Variants in MGST1 observed in about 807,000 individuals in gnomAD.
The protein encoded by MGST1 is microsomal glutathione S-transferase 1.
In MGST1, 5 loss-of-function variants were observed where a neutral mutation model predicts 8.9. The observed-to-expected ratio is 0.56, with a 90% CI of 0.29 to 1.19. MGST1 has a LOEUF of 1.19. MGST1 is among the 50% of genes most tolerant of loss of function. The pLI is 0.08. For synonymous variants in MGST1, 54 were observed against 67.8 expected, an observed-to-expected ratio of 0.80 and a Z score of 1.00; for missense variants, 182 against 187.4, an observed-to-expected ratio of 0.97 and a Z score of 0.17.
chr12:16,440,264 CA>C (rs1941027944), downstream of MGST1, among the ~76,000 whole-genome samples: 1 of 151,096 alleles, frequency 6.6e-6, no homozygotes, highest in South Asian at 2.1e-4. Context: ...CACACACACA[CA>C]CACACATACA....
intron 3 of MGST1, among the ~76,000 whole-genome samples, chr12:16,360,707 C>G (rs1419924022): frequency 6.6e-6 from 1 of 152,126 alleles, no homozygotes; most frequent in East Asian, 1.9e-4. Flanking sequence ...TATTTAGGGA[C>G]AGGAGAGACA....
chr12:16,401,877 A>G lies in MGST1; in HGVS notation n.778+18273A>G. The G allele has an allele frequency of 1.2e-6, 2 of 1,603,976 alleles. No individual in the cohort carries two copies. The highest frequency in any genetic ancestry group is 1.7e-6 in the Non-Finnish European group (2 of 1,170,782). ...AGTGATGCCAGCTGCTTTCTTCATT[A>G]ATTTGAGCTCCCCATCCTCCCTTAC... On this transcript the variant is annotated intron_variant and non_coding_transcript_variant, in intron 1 of 1. Transcript: ENST00000359720. The surrounding 1 kb of genome is among the most constrained non-coding windows in gnomAD (Gnocchi z 4.3).
intron 4 of MGST1, among the ~76,000 whole-genome samples, chr12:16,445,446 C>T (rs972734704): frequency 6.6e-6 from 1 of 151,916 alleles, no homozygotes; most frequent in Non-Finnish European, 1.5e-5. Context: ...GTTCACTTTG[C>T]ATTCTAAGGA....
chr12:16,454,798 T>A (rs1941157447), intron 4 of MGST1, among the ~76,000 whole-genome samples: 1 of 137,020 alleles, frequency 7.3e-6, no homozygotes, highest in Admixed American at 7.8e-5. Context: ...AAGGGAAAAT[T>A]CAAGGCATCA....
At position 16,457,571 on chromosome 12, in the gene MGST1, A is replaced by G. The variant is rs1234856527; in HGVS notation, n.482+73967A>G. Among the ~76,000 whole-genome samples, 3 of 151,996 alleles carry G rather than the reference A, an allele frequency of 2.0e-5. No individual in the cohort carries two copies. The South Asian group carries it at 6.2e-4, about 32-fold the overall frequency. ...AGTGTAATACACTTTATATATTAGC[A>G]TTGGTCCATCTATTATTATATTGGC... On this transcript the variant is annotated intron_variant and non_coding_transcript_variant, in intron 4 of 4. Transcript: ENST00000538857.
chr12:16,358,587 C>T (rs1165964991), intron 3 of MGST1, among the ~76,000 whole-genome samples: 1 of 151,832 alleles, frequency 6.6e-6, no homozygotes, highest in Non-Finnish European at 1.5e-5. Flanking sequence ...CTGCCTCAGC[C>T]TCCTGAGTAG....
chr12:16,440,815 G>A (rs1316843520), downstream of MGST1, among the ~76,000 whole-genome samples: 1 of 151,684 alleles, frequency 6.6e-6, no homozygotes, highest in Admixed American at 6.6e-5. Flanking sequence ...GAAAGTGGCT[G>A]TGCCCATTTA....
At chr12:16,529,712 T>G (rs1232855427) in intron 4 of MGST1, among the ~76,000 whole-genome samples, 2 of 152,102 alleles carry the variant, frequency 1.3e-5, no homozygotes, top group Non-Finnish European at 2.9e-5. Flanking sequence ...GTTATTCTTC[T>G]CTAGGCAAAG....
At chr12:16,454,283 A>G (rs1941152118) in intron 4 of MGST1, among the ~76,000 whole-genome samples, 1 of 151,956 alleles carries the variant, frequency 6.6e-6, no homozygotes, top group Non-Finnish European at 1.5e-5. Flanking sequence ...TTTGTTAAAT[A>G]AGATTTTAAG....
Position 16,548,419 on chromosome 12 carries a change from G to A in MGST1, n.483-41109G>A, listed in dbSNP as rs1941868535. ...AAAACATAAATCCAAATGTAAAAAA[G>A]TGAATGAAAGAATCCAGCAGATATT... On this transcript the variant is annotated intron_variant and non_coding_transcript_variant, in intron 4 of 4. Transcript: ENST00000538857. The surrounding 1 kb of genome is among the most constrained non-coding windows in gnomAD (Gnocchi z 4.2). The A allele has an allele frequency of 6.6e-6, 1 of 152,052 alleles. No homozygotes were observed. The highest frequency in any genetic ancestry group is 6.6e-5 in the Admixed American group (1 of 15,248). The allele number at this position is 152,052 out of a possible 1,614,324, so 9.4% of individuals were successfully genotyped here. A position where few individuals can be genotyped will look rare whatever the true frequency, so the allele number is the denominator to read the frequency against.
chr12:16,581,465 A>G (rs1943157318), intron 4 of MGST1, among the ~76,000 whole-genome samples: 1 of 152,200 alleles, frequency 6.6e-6, no homozygotes, highest in South Asian at 2.1e-4. Context: ...AAATAATACT[A>G]AAATATAAGA....
intron 1 of MGST1, among the ~76,000 whole-genome samples, chr12:16,402,581 T>C (rs946407735): frequency 6.6e-6 from 1 of 152,120 alleles, no homozygotes; most frequent in Non-Finnish European, 1.5e-5. Context: ...TACCATTTTC[T>C]TTTTTTTCTG....
Position 16,537,793 on chromosome 12 carries a change from C to G in MGST1, n.483-51735C>G. ...GGGCACCAAGTCCCTAGGCTGCACA[C>G]AGCATGGGGATCCTGGGCCCAGCCC... On this transcript the variant is annotated intron_variant and non_coding_transcript_variant, in intron 4 of 4. Transcript: ENST00000538857. This position sits in a 1 kb window ranked among gnomAD's most constrained non-coding sequence, Gnocchi z 4.6. Among the ~76,000 whole-genome samples, 1 of 152,212 alleles carries G rather than the reference C, an allele frequency of 6.6e-6. No homozygotes were observed. The highest frequency in any genetic ancestry group is 1.9e-4 in the East Asian group (1 of 5,182).
intron 4 of MGST1, among the ~76,000 whole-genome samples, chr12:16,446,793 G>T (rs1941084214): frequency 6.6e-6 from 1 of 151,766 alleles, no homozygotes; most frequent in African/African-American, 2.4e-5. Flanking sequence ...GTTGATTCTG[G>T]TATCCATCTC....
In MGST1 at chr12:16,386,684, CTG is replaced by C. The variant is rs531984645; in HGVS notation, n.778+3084_778+3085del. On this transcript the variant is annotated intron_variant and non_coding_transcript_variant, in intron 1 of 1. Transcript: ENST00000359720. ...CTGTGTGAGTTTGCGAACACCCAAA[CTG>C]TGTACAGTAGGCCCCCTTTGTCTCA... Among the ~76,000 whole-genome samples the C allele has an allele frequency of 1.8e-3, 276 of 152,324 alleles. 1 individual carries two copies. Among genetic ancestry groups the C allele is most frequent in the Middle Eastern group, 0.017 (5 of 294 alleles).
intron 4 of MGST1, among the ~76,000 whole-genome samples, chr12:16,505,915 C>G (rs1414607226): frequency 6.6e-6 from 1 of 152,210 alleles, no homozygotes; most frequent in Non-Finnish European, 1.5e-5. Context: ...GCAGCTCCCA[C>G]TCAGTCCTTG....
At chr12:16,466,226 G>T (rs1215715868) in intron 4 of MGST1, among the ~76,000 whole-genome samples, 2 of 152,204 alleles carry the variant, frequency 1.3e-5, no homozygotes, top group Admixed American at 6.5e-5. Flanking sequence ...GAGCCTCGAA[G>T]GAGGCTGGCA....
chr12:16,570,302 A>G (rs951491915), intron 4 of MGST1, among the ~76,000 whole-genome samples: 1 of 152,124 alleles, frequency 6.6e-6, no homozygotes, highest in Non-Finnish European at 1.5e-5. Flanking sequence ...GAGACTCATA[A>G]TTACCTTCTT....
chr12:16,538,320 A>G (rs1160149961), intron 4 of MGST1, among the ~76,000 whole-genome samples: 1 of 152,102 alleles, frequency 6.6e-6, no homozygotes, highest in Non-Finnish European at 1.5e-5. Context: ...TGTCAAAGCC[A>G]TTCAACAAGT....
Sources: allele counts gnomAD v4.1 joint callset (sites outside exome capture counted in the v4.1 genomes callset), GRCh38; gene constraint gnomAD v4.1.1; non-coding constraint Gnocchi (gnomAD v3.1); transcripts MANE v1.5; gene names NCBI Gene and HGNC (gene_info 2026-07-23, HGNC 2026-07-21).